Variants in PDZD9 observed in about 807,000 individuals in gnomAD.
PDZD9 encodes the protein PDZ domain containing 9.
PDZD9 carries 13 observed loss-of-function variants against 16.3 expected under a neutral mutation model. That is an observed-to-expected ratio of 0.80 (90% CI 0.52 to 1.27). The LOEUF (loss-of-function observed/expected upper bound fraction) is 1.27, where lower values mean the gene tolerates loss of function less well. Among genes scored for constraint, PDZD9 ranks in the 50% most tolerant of loss-of-function variants. PDZD9 has a pLI of 0.00. For synonymous variants in PDZD9, 120 were observed against 111.0 expected, an observed-to-expected ratio of 1.08 and a Z score of -0.51; for missense variants, 288 against 310.9, an observed-to-expected ratio of 0.93 and a Z score of 0.55.
downstream of PDZD9, among the ~76,000 whole-genome samples, chr16:21,981,901 C>T (rs1374944212): frequency 1.3e-5 from 2 of 149,234 alleles, no homozygotes; most frequent in Admixed American, 6.7e-5. Context: ...AGTGCAGTGG[C>T]GCGATCTCGG....
At chr16:21,985,125 CT>C (rs1567484024) in intron 3 of PDZD9, among the ~76,000 whole-genome samples, 1 of 151,364 alleles carries the variant, frequency 6.6e-6, no homozygotes, top group Admixed American at 6.6e-5. Flanking sequence ...GTCTTAGAGT[CT>C]TTTTTTTAGA....
chr16:21,958,420 C>A, the PDZD9 span: 1 of 887,378 alleles, frequency 1.1e-6, no homozygotes, highest in Non-Finnish European at 1.8e-6. Context: ...AAAAAGGATG[C>A]AGGAATTTAG....
the PDZD9 span, among the ~76,000 whole-genome samples, chr16:21,966,927 T>C: frequency 6.6e-6 from 1 of 152,204 alleles, no homozygotes; most frequent in African/African-American, 2.4e-5. Context: ...TATTCAACCA[T>C]TCAAAAATAT....
the PDZD9 span, among the ~76,000 whole-genome samples, chr16:21,974,753 T>C: frequency 7.2e-5 from 11 of 152,176 alleles, no homozygotes; most frequent in Admixed American, 5.2e-4. Flanking sequence ...GGAGCAGATA[T>C]CGGAGATAGA....
the PDZD9 span, among the ~76,000 whole-genome samples, chr16:21,971,147 G>A: frequency 1.3e-5 from 2 of 152,074 alleles, no homozygotes; most frequent in Non-Finnish European, 2.9e-5. Flanking sequence ...CAAATAAATG[G>A]TGGTAGAGCC....
At chr16:21,979,858 C>T (rs1379265071), downstream of PDZD9, among the ~76,000 whole-genome samples, 1 of 152,122 alleles carries the variant, frequency 6.6e-6, no homozygotes, top group African/African-American at 2.4e-5. Context: ...ATATGTGGTC[C>T]ATCATTGACC....
downstream of PDZD9, among the ~76,000 whole-genome samples, chr16:21,979,750 C>A (rs544227068): frequency 5.9e-5 from 9 of 152,232 alleles, no homozygotes; most frequent in East Asian, 1.7e-3. Flanking sequence ...ATAGGCTACG[C>A]TAAATTTATT....
At chr16:21,968,361 A>G in the PDZD9 span, 2 of 265,222 alleles carry the variant, frequency 7.5e-6, no homozygotes, top group African/African-American at 4.4e-5. Flanking sequence ...ATACTATACA[A>G]CCTATTTAAA....
chr16:21,976,173 A>G, the PDZD9 span: 5 of 1,613,840 alleles, frequency 3.1e-6, no homozygotes, highest in Non-Finnish European at 3.4e-6. Context: ...CTAGGTTATC[A>G]AGGCTGCCTA....
the PDZD9 span, among the ~76,000 whole-genome samples, chr16:21,967,365 A>C: frequency 1.3e-5 from 2 of 152,110 alleles, no homozygotes; most frequent in African/African-American, 4.8e-5. Flanking sequence ...TTTTTTTCTA[A>C]ACCTCTTACT....
intron 2 of PDZD9, 84 bp from the exon 3 acceptor site, chr16:21,988,875 C>G: frequency 1.0e-6 from 1 of 958,290 alleles, no homozygotes; most frequent in Non-Finnish European, 1.5e-6. Flanking sequence ...TGAGGTATTT[C>G]ATTTTATGGG....
chr16:21,988,224 G>A (rs1898930598), intron 3 of PDZD9, among the ~76,000 whole-genome samples: 3 of 151,740 alleles, frequency 2.0e-5, no homozygotes, highest in Admixed American at 2.0e-4. Flanking sequence ...TGGCCAGGAT[G>A]GTCTCGATTT....
chr16:21,998,700 A>C (rs1280983032), intron 1 of PDZD9: 1 of 151,674 alleles, frequency 6.6e-6, no homozygotes, highest in Non-Finnish European at 1.5e-5. Context: ...TCAAAAACAA[A>C]AAAAAATTAT....
the PDZD9 span, among the ~76,000 whole-genome samples, chr16:21,966,413 A>G: frequency 6.6e-6 from 1 of 152,148 alleles, no homozygotes; most frequent in Non-Finnish European, 1.5e-5. Context: ...TAAATCTACA[A>G]GTGTAGATAT....
the PDZD9 span, chr16:21,971,379 G>A: frequency 3.1e-6 from 2 of 636,292 alleles, no homozygotes; most frequent in African/African-American, 3.7e-5. Context: ...GGTATCTCTG[G>A]GAGAGTGGCA....
chr16:21,962,838 C>T, the PDZD9 span: 1 of 1,614,096 alleles, frequency 6.2e-7, no homozygotes, highest in South Asian at 1.1e-5. Flanking sequence ...GACCTTCAGC[C>T]TCAGCTAAAG....
chr16:21,960,933 C>G, the PDZD9 span, among the ~76,000 whole-genome samples: 24 of 152,140 alleles, frequency 1.6e-4, no homozygotes, highest in East Asian at 4.6e-3. Context: ...TGGGCCCAAG[C>G]GATTCTTCTC....
chr16:21,974,814 CA>C, the PDZD9 span, among the ~76,000 whole-genome samples: 5 of 152,156 alleles, frequency 3.3e-5, no homozygotes, highest in South Asian at 1.0e-3. Context: ...ATCCAGCACA[CA>C]AGTGGACCTT....
chr16:21,972,075 A>G, the PDZD9 span: 1 of 1,614,112 alleles, frequency 6.2e-7, no homozygotes, highest in South Asian at 1.1e-5. Flanking sequence ...CAACACCACC[A>G]GCCATCTGCA....
Sources: gnomAD v4.1 joint callset for allele counts (sites outside exome capture counted in the v4.1 genomes callset) on GRCh38, gnomAD v4.1.1 for gene constraint, MANE v1.5 for transcripts, NCBI Gene and HGNC (gene_info 2026-07-23, HGNC 2026-07-21) for gene names.